The following ZNF891 variants were observed in gnomAD, a reference collection of about 807,000 sequenced individuals.
ZNF891 encodes the protein hCG1646157.
For missense variants in ZNF891, 589 were observed against 632.7 expected (o/e 0.93, Z 0.74); for synonymous variants, 199 against 209.0 (o/e 0.95, Z 0.41).
At chr12:133,122,234 T>G in intron 1 of ZNF891, 7 of 1,041,864 alleles carry the variant, frequency 6.7e-6, no homozygotes, top group Non-Finnish European at 6.9e-6. Flanking sequence ...TGTACTGGCT[T>G]CTCCTGCAGA....
At position 133,105,323 on chromosome 12, in the gene ZNF891, T is replaced by C. The variant is rs1253962170; in HGVS notation, c.*14961A>G. On this transcript the variant is annotated 3_prime_UTR_variant, in exon 2 of 2. Transcript: ENST00000537226. Reference sequence around the variant, plus strand: ...TTTACACTTTCTCTTTATTTACCTATATGTCTATCTCTGTTTGATCTTTTC... The same window carrying C: ...TTTACACTTTCTCTTTATTTACCTACATGTCTATCTCTGTTTGATCTTTTC... 4.6e-5 allele frequency among the ~76,000 whole-genome samples: 7 copies of C among 152,234 alleles called. No individual in the cohort carries two copies. The highest frequency in any genetic ancestry group is 7.3e-5 in the Non-Finnish European group (5 of 68,044).
rs1304263430 is a variant in ZNF891 at position 133,107,085 on chromosome 12, A to AGAT, written c.*13196_*13198dup. 1 of 153,856 alleles carries AGAT rather than the reference A, an allele frequency of 6.5e-6. No individual in the cohort carries two copies. Among genetic ancestry groups the AGAT allele is most frequent in the East Asian group, 1.9e-4 (1 of 5,222 alleles). The allele number at this position is 153,856 out of a possible 1,614,324, so 9.5% of individuals were successfully genotyped here. A position where few individuals can be genotyped will look rare whatever the true frequency, so the allele number is the denominator to read the frequency against. ...GCTTTACAAAGATGATGCACTTTGGAGATCAGAAAATTCATATTTAAGCAA... is the reference window on the plus strand; with the variant it reads ...GCTTTACAAAGATGATGCACTTTGGAGATGATCAGAAAATTCATATTTAAGCAA... On this transcript the variant is annotated 3_prime_UTR_variant, in exon 2 of 2. Coordinates refer to ENST00000537226, the MANE Select transcript of ZNF891 (RefSeq NM_001277291.2).
In ZNF891 at chr12:133,121,991, T is replaced by C; in HGVS notation, c.-73A>G. The C allele has an allele frequency of 7.8e-6, 11 of 1,417,820 alleles. No homozygotes were observed. The highest frequency in any genetic ancestry group is 9.2e-6 in the Non-Finnish European group (10 of 1,088,072). The allele number at this position is 1,417,820 out of a possible 1,614,324, so 87.8% of individuals were successfully genotyped here. ...TTCTGTTCTTGTGTCTCCAATCCAG[T>C]CACAGGAGGGATGCATTTCACCCGA... is the stretch of plus-strand genomic sequence containing the variant. On this transcript the variant is annotated 5_prime_UTR_variant, in exon 2 of 2. Coordinates refer to ENST00000537226, the MANE Select transcript of ZNF891 (RefSeq NM_001277291.2).
rs550343742 is a variant in ZNF891, at chr12:133,115,224, T to C, written c.*5060A>G. On this transcript the variant is annotated 3_prime_UTR_variant, in exon 2 of 2. Transcript: ENST00000537226. ...GCCTGACCAACATGGAGAAACCCTG[T>C]CTCTACTAAAAATACAAAATTAGCC... 6.6e-6 allele frequency: 1 copy of C among 151,700 alleles called. No individual in the cohort carries two copies. The highest frequency in any genetic ancestry group is 2.1e-4 in the South Asian group (1 of 4,800). 9.4% of individuals were successfully genotyped at this position (151,700 alleles called of 1,614,324 possible).
At chr12:133,128,313 T>G (rs982901378) in intron 1 of ZNF891, among the ~76,000 whole-genome samples, 2 of 151,662 alleles carry the variant, frequency 1.3e-5, no homozygotes, top group African/African-American at 4.9e-5. Context: ...AAATAAAGAG[T>G]AGTAAATTAA....
At chr12:133,123,690 G>C (rs551044784) in intron 1 of ZNF891, among the ~76,000 whole-genome samples, 1 of 150,930 alleles carries the variant, frequency 6.6e-6, no homozygotes, top group African/African-American at 2.4e-5. Flanking sequence ...CCTGGGCAAC[G>C]GAGTGAAATC....
At chr12:133,129,306 A>C in intron 1 of ZNF891, among the ~76,000 whole-genome samples, 1 of 152,060 alleles carries the variant, frequency 6.6e-6, no homozygotes, top group African/African-American at 2.4e-5. Flanking sequence ...GTTCCAGACC[A>C]GCCTGACCAA....
rs570656399 is a variant in ZNF891, at chr12:133,107,578, G to C, written c.*12706C>G. The C allele has an allele frequency of 6.6e-6, 1 of 152,216 alleles. No homozygotes were observed. Among genetic ancestry groups the C allele is most frequent in the Non-Finnish European group, 1.5e-5 (1 of 68,026 alleles). 9.4% of individuals were successfully genotyped at this position (152,216 alleles called of 1,614,324 possible). On this transcript the variant is annotated 3_prime_UTR_variant, in exon 2 of 2. Transcript: ENST00000537226. ...GTTTTATGATTTTAACTTTCAGACAGAGTTTGGATTTAAGGTAATGCTGAC... is the reference window on the plus strand; with the variant it reads ...GTTTTATGATTTTAACTTTCAGACACAGTTTGGATTTAAGGTAATGCTGAC...
rs762262215 is a variant in ZNF891 at position 133,106,345 on chromosome 12, C to G, written c.*13939G>C. The G allele has an allele frequency of 1.9e-6, 3 of 1,614,026 alleles. No homozygotes were observed. In the South Asian group the frequency reaches 3.3e-5, roughly 18 times the overall value. On this transcript the variant is annotated 3_prime_UTR_variant, in exon 2 of 2. Coordinates refer to ENST00000537226, the MANE Select transcript of ZNF891 (RefSeq NM_001277291.2). ...AGAGAATTCATGCTGGAGAAAAGCT[C>G]TATGAATGTGATGAATGTGGTAAAG... is the stretch of plus-strand genomic sequence containing the variant.
At position 133,121,731 on chromosome 12, in the gene ZNF891, G is replaced by A; in HGVS notation, c.188C>T (p.Ala63Val). 6.5e-7 allele frequency: 1 copy of A among 1,536,740 alleles called. No homozygotes were observed. The highest frequency in any genetic ancestry group is 1.7e-4 in the Middle Eastern group (1 of 5,990). The change falls in exon 2 of 2, where the codon GCT becomes GTT. Residue 63 changes from alanine (A) to valine (V), a missense_variant. Ala to Val is a moderately conservative substitution (Grantham distance 64, BLOSUM62 0). Coordinates refer to ENST00000537226, the MANE Select transcript of ZNF891 (RefSeq NM_001277291.2). ...TQEEWMMLDSAQRSLYRDVML... is the reference protein window; with the variant it reads ...TQEEWMMLDSVQRSLYRDVML... ...CACATCTCTGTACAGACTTCTTTGA[G>A]CAGAATCCAGCATCATCCACTCCTC...
chr12:133,122,596 G>A (rs1593828173), intron 1 of ZNF891, among the ~76,000 whole-genome samples: 1 of 152,162 alleles, frequency 6.6e-6, no homozygotes, highest in South Asian at 2.1e-4. Context: ...GGGCCTGTCG[G>A]GTGAGGGCAG....
rs1566333131 is a variant in ZNF891 at position 133,115,415 on chromosome 12, AAG to A, written c.*4867_*4868del. 4 of 148,326 alleles carry A rather than the reference AAG, an allele frequency of 2.7e-5. No individual in the cohort carries two copies. The highest frequency in any genetic ancestry group is 3.4e-3 in the Middle Eastern group (1 of 290). 9.2% of individuals were successfully genotyped at this position (148,326 alleles called of 1,614,324 possible). On this transcript the variant is annotated 3_prime_UTR_variant, in exon 2 of 2. Coordinates refer to ENST00000537226, the MANE Select transcript of ZNF891 (RefSeq NM_001277291.2). Reference sequence around the variant, plus strand: ...CAAAAAAAAAAAAAAAAAAAAAAAAAAGATGTGGGATAAAAGGTATAACTCAA... The same window carrying A: ...CAAAAAAAAAAAAAAAAAAAAAAAAAATGTGGGATAAAAGGTATAACTCAA...
In ZNF891 at chr12:133,110,072, C is replaced by T. The variant is rs1404084495; in HGVS notation, c.*10212G>A. ...CTCCAGCCTGGGTGACAGAGCGAGA[C>T]TCCGTCTCAAAAAAAAAGAAAACCT... On this transcript the variant is annotated 3_prime_UTR_variant, in exon 2 of 2. Transcript: ENST00000537226. 3 of 152,070 alleles carry T rather than the reference C, an allele frequency of 2.0e-5. No individual in the cohort carries two copies. Among genetic ancestry groups the T allele is most frequent in the Non-Finnish European group, 4.4e-5 (3 of 68,032 alleles). The allele number at this position is 152,070 out of a possible 1,614,324, so 9.4% of individuals were successfully genotyped here. A position where few individuals can be genotyped will look rare whatever the true frequency, so the allele number is the denominator to read the frequency against.
chr12:133,122,377 G>T (rs1003465814), intron 1 of ZNF891: 1 of 281,038 alleles, frequency 3.6e-6, no homozygotes, highest in Non-Finnish European at 5.4e-6. Context: ...AACTTTTGGG[G>T]ACAGAAAAAC....
Position 133,120,041 on chromosome 12 carries a change from G to C in ZNF891, c.*243C>G. 5.4e-6 allele frequency: 2 copies of C among 368,430 alleles called. No individual in the cohort carries two copies. The highest frequency in any genetic ancestry group is 9.7e-6 in the Non-Finnish European group (2 of 205,940). The allele number at this position is 368,430 out of a possible 1,614,324, so 22.8% of individuals were successfully genotyped here. On this transcript the variant is annotated 3_prime_UTR_variant, in exon 2 of 2. Coordinates refer to ENST00000537226, the MANE Select transcript of ZNF891 (RefSeq NM_001277291.2). The stretch of plus-strand genomic sequence containing the variant: ...TAGTCCAGATTCTCTGAACACAATG[G>C]AATTAACCTAGAAACCAACAATAAA...
Position 133,105,570 on chromosome 12 carries a change from C to G in ZNF891, c.*14714G>C. On this transcript the variant is annotated 3_prime_UTR_variant, in exon 2 of 2. Transcript: ENST00000537226. ...CCAAAAAATGTCATTTATGATGACT[C>G]ATCCCAGTATTTGATCATGGAAAGA... 1 of 1,613,832 alleles carries G rather than the reference C, an allele frequency of 6.2e-7. No individual in the cohort carries two copies. The highest frequency in any genetic ancestry group is 8.5e-7 in the Non-Finnish European group (1 of 1,179,958).
At position 133,109,137 on chromosome 12, in the gene ZNF891, T is replaced by C. The variant is rs1955661878; in HGVS notation, c.*11147A>G. 6.6e-6 allele frequency: 1 copy of C among 152,234 alleles called. No individual in the cohort carries two copies. The highest frequency in any genetic ancestry group is 1.5e-5 in the Non-Finnish European group (1 of 68,034). The allele number at this position is 152,234 out of a possible 1,614,324, so 9.4% of individuals were successfully genotyped here. On this transcript the variant is annotated 3_prime_UTR_variant, in exon 2 of 2. Transcript: ENST00000537226. ...AGATGTAACTATCAATGAATTATTA[T>C]GTTCATTTTTTCCCTTAGCCAGAGA... is the stretch of plus-strand genomic sequence containing the variant.
In ZNF891 at chr12:133,110,665, G is replaced by A. The variant is rs11147233; in HGVS notation, c.*9619C>T. On this transcript the variant is annotated 3_prime_UTR_variant, in exon 2 of 2. Transcript: ENST00000537226. ...ATACATCAATGTATGTAAGGCAGGG[G>A]GCTAAGTGACTTGTGCCTGTAATCC... The A allele has an allele frequency of 0.48, 72,808 of 152,080 alleles. 18,128 individuals carry two copies. The highest frequency in any genetic ancestry group is 0.56 in the Non-Finnish European group (37,795 of 67,998). The allele number at this position is 152,080 out of a possible 1,614,324, so 9.4% of individuals were successfully genotyped here.
Position 133,119,377 on chromosome 12 carries a change from C to G in ZNF891, c.*907G>C, listed in dbSNP as rs1343396655. ...TGGCCAACATGGTGAAACCCCGTCTCTATTAAAAATACTAAAATTAGCCAG... is the reference window on the plus strand; with the variant it reads ...TGGCCAACATGGTGAAACCCCGTCTGTATTAAAAATACTAAAATTAGCCAG... On this transcript the variant is annotated 3_prime_UTR_variant, in exon 2 of 2. Coordinates refer to ENST00000537226, the MANE Select transcript of ZNF891 (RefSeq NM_001277291.2). 6.6e-6 allele frequency: 1 copy of G among 151,858 alleles called. No individual in the cohort carries two copies. The highest frequency in any genetic ancestry group is 1.5e-5 in the Non-Finnish European group (1 of 67,994). 9.4% of individuals were successfully genotyped at this position (151,858 alleles called of 1,614,324 possible).
Sources: allele counts gnomAD v4.1 joint callset (sites outside exome capture counted in the v4.1 genomes callset), GRCh38; gene constraint gnomAD v4.1.1; transcripts MANE v1.5; gene names NCBI Gene and HGNC (gene_info 2026-07-23, HGNC 2026-07-21).